MEI1: variants seen among roughly 807,000 people sequenced by gnomAD.
MEI1 encodes meiosis inhibitor protein 1.
A neutral mutation model predicts 146.2 loss-of-function variants in MEI1; 103 were observed. The observed-to-expected ratio is 0.70, with a 90% CI of 0.60 to 0.83. MEI1 has a LOEUF of 0.83. Ranked by LOEUF, MEI1 falls within the 40% of genes least tolerant of loss-of-function variation. The probability of loss-of-function intolerance (pLI) is 0.00; values close to 1 mark genes in which losing one functional copy is unlikely to be tolerated. For synonymous variants in MEI1, 652 were observed against 628.2 expected (o/e 1.04, Z -0.57); for missense variants, 1,529 against 1,533.0 (o/e 1.00, Z 0.04).
At chr22:41,783,347 C>T (rs1387094354) in intron 24 of MEI1, among the ~76,000 whole-genome samples, 2 of 152,008 alleles carry the variant, frequency 1.3e-5, no homozygotes, top group African/African-American at 4.8e-5. Context: ...GGCTGGAGTG[C>T]AATGGTGTGA....
At chr22:41,703,493 T>G in intron 2 of MEI1, 39 bp downstream of exon 2, 1 of 1,499,070 alleles carries the variant, frequency 6.7e-7, no homozygotes, top group Non-Finnish European at 8.9e-7. Flanking sequence ...GTTTTGAATG[T>G]ATAGTATGTA....
chr22:41,749,898 G>C (rs906771218), intron 15 of MEI1, among the ~76,000 whole-genome samples: 3 of 152,068 alleles, frequency 2.0e-5, no homozygotes, highest in Admixed American at 6.6e-5. Flanking sequence ...ATCTGGTTTG[G>C]GGGGGTCAGT....
Position 41,723,956 on chromosome 22 carries a change from G to C in MEI1, c.747G>C (p.Gln249His), listed in dbSNP as rs1341601727. ...LQINCLGLLRQLLKYDLFVSM... is the reference protein window; with the variant it reads ...LQINCLGLLRHLLKYDLFVSM... The stretch of plus-strand genomic sequence containing the variant: ...TTTGTTTCCTAGGTTTGCTGAGGCA[G>C]CTGTTGAAGTATGATCTCTTTGTGT... Residue 249 changes from glutamine (Q) to histidine (H), a missense_variant, in exon 7 of 31, where the codon CAG becomes CAC. Around this residue, in one of 3 missense-constraint regions of MEI1, gnomAD observed 1,212 missense variants for 1,178.9 expected, o/e 1.03. Coordinates refer to ENST00000401548, the MANE Select transcript of MEI1 (RefSeq NM_152513.4). 2 of 1,603,276 alleles carry C rather than the reference G, an allele frequency of 1.2e-6. No homozygotes were observed. The highest frequency in any genetic ancestry group is 2.7e-5 in the African/African-American group (2 of 74,818).
chr22:41,738,052 C>T (rs1032874363), intron 11 of MEI1, among the ~76,000 whole-genome samples: 3 of 152,136 alleles, frequency 2.0e-5, no homozygotes, highest in South Asian at 2.1e-4. Context: ...CGGTGGCTCA[C>T]GCCTGTAATC....
At chr22:41,727,692 C>T (rs549808362) in intron 7 of MEI1, among the ~76,000 whole-genome samples, 11 of 152,206 alleles carry the variant, frequency 7.2e-5, no homozygotes, top group South Asian at 4.1e-4. Context: ...CTACGATTTA[C>T]GGCAGTGTAA....
chr22:41,746,791 G>C (rs2073324279), intron 14 of MEI1, among the ~76,000 whole-genome samples: 1 of 152,104 alleles, frequency 6.6e-6, no homozygotes, highest in Non-Finnish European at 1.5e-5. Flanking sequence ...CACCAGCGAG[G>C]CTCTCTTCCT....
At chr22:41,706,931 C>T (rs2069135949) in intron 3 of MEI1, among the ~76,000 whole-genome samples, 1 of 151,548 alleles carries the variant, frequency 6.6e-6, no homozygotes, top group Non-Finnish European at 1.5e-5. Flanking sequence ...TGGCTCACGC[C>T]TGTAATCCCA....
chr22:41,764,578 G>A (rs1045531136), intron 19 of MEI1, among the ~76,000 whole-genome samples: 1 of 152,194 alleles, frequency 6.6e-6, no homozygotes, highest in Admixed American at 6.5e-5. Flanking sequence ...TTAGACTGAA[G>A]GGTCCACACT....
chr22:41,737,770 T>G (rs958172587), intron 11 of MEI1, among the ~76,000 whole-genome samples: 3 of 152,128 alleles, frequency 2.0e-5, no homozygotes, highest in African/African-American at 7.2e-5. Context: ...CTAAAGGACC[T>G]TGTCAGTTTT....
At chr22:41,704,063 G>C (rs2068903213) in intron 2 of MEI1, among the ~76,000 whole-genome samples, 1 of 152,176 alleles carries the variant, frequency 6.6e-6, no homozygotes. Flanking sequence ...TGCTGACCTA[G>C]GTATGACCCT....
At position 41,799,345 on chromosome 22, in the gene MEI1, G is replaced by A; in HGVS notation, c.*46G>A. On this transcript the variant is annotated 3_prime_UTR_variant, in exon 31 of 31. Coordinates refer to ENST00000401548, the MANE Select transcript of MEI1 (RefSeq NM_152513.4). Reference sequence around the variant, plus strand: ...AGAAGTGGAGAGAGAATGAGACCTGGAGACAAAGGGCATAATTGTTGGGGA... The same window carrying A: ...AGAAGTGGAGAGAGAATGAGACCTGAAGACAAAGGGCATAATTGTTGGGGA... 2 of 1,572,078 alleles carry A rather than the reference G, an allele frequency of 1.3e-6. No individual in the cohort carries two copies. Among genetic ancestry groups the A allele is most frequent in the Non-Finnish European group, 1.7e-6 (2 of 1,143,966 alleles).
In MEI1 at chr22:41,770,745, T is replaced by C. The variant is rs371144358; in HGVS notation, c.2328T>C (p.Tyr776=). Residue 776 remains tyrosine, a synonymous_variant, in exon 20 of 31, where the codon TAT becomes TAC. Coordinates refer to ENST00000401548, the MANE Select transcript of MEI1 (RefSeq NM_152513.4). ...LEGIPDLQLV[Y]THHPLLLRFF... Reference sequence around the variant, plus strand: ...GCATCCCAGACCTGCAGCTAGTCTATACTCACCATCCGCTCCTGCTCAGGT... The same window carrying C: ...GCATCCCAGACCTGCAGCTAGTCTACACTCACCATCCGCTCCTGCTCAGGT... The C allele has an allele frequency of 4.4e-5, 71 of 1,613,982 alleles. No individual in the cohort carries two copies. The highest frequency in any genetic ancestry group is 4.8e-5 in the Non-Finnish European group (57 of 1,179,864).
intron 3 of MEI1, among the ~76,000 whole-genome samples, chr22:41,710,900 G>C (rs1322346945): frequency 6.6e-6 from 1 of 152,164 alleles, no homozygotes; most frequent in Non-Finnish European, 1.5e-5. Context: ...CCTTGACAAG[G>C]GAAAGTCCGT....
intron 26 of MEI1, among the ~76,000 whole-genome samples, chr22:41,785,865 ATTTTTATTTTTTTATT>A (rs200537863): frequency 0.012 from 1,660 of 142,898 alleles, 24 homozygotes; most frequent in African/African-American, 0.016. Context: ...CACCCGGCCT[ATTTTTATTTTTTTATT>A]TTTTTATTTT....
chr22:41,743,290 A>G, intron 12 of MEI1, 96 bp downstream of exon 12: 2 of 847,548 alleles, frequency 2.4e-6, no homozygotes, highest in Non-Finnish European at 3.8e-6. Flanking sequence ...ATGCTATTTC[A>G]TGACTTTTTC....
chr22:41,791,154 C>T (rs1045686180), intron 26 of MEI1, among the ~76,000 whole-genome samples: 2 of 152,080 alleles, frequency 1.3e-5, no homozygotes, highest in African/African-American at 4.8e-5. Flanking sequence ...AATCACTGTG[C>T]GAACTGTGGA....
chr22:41,753,869 C>A, intron 16 of MEI1, 80 bp from the exon 17 acceptor site: 1 of 978,154 alleles, frequency 1.0e-6, no homozygotes. Context: ...CAGTGGTGCC[C>A]AGGCATATGG....
At chr22:41,727,483 T>C (rs1237565197) in intron 7 of MEI1, among the ~76,000 whole-genome samples, 1 of 152,166 alleles carries the variant, frequency 6.6e-6, no homozygotes, top group Non-Finnish European at 1.5e-5. Flanking sequence ...AAAATTCTGA[T>C]GGGGGAGGCA....
At chr22:41,788,846 T>C (rs904118429) in intron 26 of MEI1, among the ~76,000 whole-genome samples, 3 of 152,154 alleles carry the variant, frequency 2.0e-5, no homozygotes, top group East Asian at 1.9e-4. Flanking sequence ...CAACTGTTTA[T>C]TTTTATTTTT....
Sources: gnomAD v4.1 joint callset for allele counts (sites outside exome capture counted in the v4.1 genomes callset) on GRCh38, gnomAD v4.1.1 for gene constraint, gnomAD v4.1.1 regional missense constraint, MANE v1.5 for transcripts, NCBI Gene and HGNC (gene_info 2026-07-23, HGNC 2026-07-21) for gene names.